The following SPATS2 variants were observed in gnomAD, a reference collection of about 807,000 sequenced individuals.
SPATS2 encodes spermatogenesis-associated serine-rich protein 2.
In SPATS2, 38 loss-of-function variants were observed where a neutral mutation model predicts 63.7. That is an observed-to-expected ratio of 0.60 (90% CI 0.46 to 0.78). The LOEUF (loss-of-function observed/expected upper bound fraction) is 0.78. SPATS2 is among the 30% of genes least tolerant of loss of function. The probability of loss-of-function intolerance (pLI) is 0.00; values close to 1 mark genes in which losing one functional copy is unlikely to be tolerated. For synonymous variants in SPATS2, 207 were observed against 232.9 expected, an observed-to-expected ratio of 0.89 and a Z score of 1.01; for missense variants, 588 against 666.2, an observed-to-expected ratio of 0.88 and a Z score of 1.29.
intron 2 of SPATS2, among the ~76,000 whole-genome samples, chr12:49,422,726 A>G (rs547394437): frequency 1.3e-5 from 2 of 152,232 alleles, no homozygotes; most frequent in East Asian, 3.9e-4. Context: ...GCGCAAGGCA[A>G]CATTGTGAAA....
At position 49,526,669 on chromosome 12, in the gene SPATS2, A is replaced by T. The variant is rs1008278330; in HGVS notation, c.*414A>T. ...AACAACTATTTGACCAAGAGAGGCAATCAGGGGGTTGTATACTGCACTGGA... is the reference window on the plus strand; with the variant it reads ...AACAACTATTTGACCAAGAGAGGCATTCAGGGGGTTGTATACTGCACTGGA... On this transcript the variant is annotated 3_prime_UTR_variant, in exon 14 of 14. Coordinates refer to ENST00000552918, the MANE Select transcript of SPATS2 (RefSeq NM_023071.4). 5.5e-6 allele frequency: 1 copy of T among 183,290 alleles called. No homozygotes were observed. The highest frequency in any genetic ancestry group is 2.4e-5 in the African/African-American group (1 of 41,998). The allele number at this position is 183,290 out of a possible 1,614,324, so 11.4% of individuals were successfully genotyped here.
intron 2 of SPATS2, among the ~76,000 whole-genome samples, chr12:49,429,534 C>G (rs554007861): frequency 5.9e-5 from 9 of 151,766 alleles, no homozygotes; most frequent in African/African-American, 2.2e-4. Flanking sequence ...CAACCTCTGC[C>G]TCTGGGGTTC....
chr12:49,491,676 T>TA (rs1946385442), intron 6 of SPATS2, among the ~76,000 whole-genome samples: 1 of 152,210 alleles, frequency 6.6e-6, no homozygotes, highest in African/African-American at 2.4e-5. Flanking sequence ...TTGTGACTGA[T>TA]ATTGCTTAAC....
Position 49,519,041 on chromosome 12 carries a change from A to G in SPATS2, c.899-32A>G, listed in dbSNP as rs367979569. Reference sequence around the variant, plus strand: ...TTCTTCTTTATCCTATTTAGCAGCAACATAAGGTTCACACTCACTTTTCCT... The same window carrying G: ...TTCTTCTTTATCCTATTTAGCAGCAGCATAAGGTTCACACTCACTTTTCCT... On this transcript the variant is annotated intron_variant, in intron 10 of 13. Coordinates refer to ENST00000552918, the MANE Select transcript of SPATS2 (RefSeq NM_023071.4). 3 of 1,561,666 alleles carry G rather than the reference A, an allele frequency of 1.9e-6. No individual in the cohort carries two copies. The African/African-American group carries it at 4.1e-5, about 21-fold the overall frequency.
At chr12:49,420,870 C>G (rs564564342) in intron 2 of SPATS2, among the ~76,000 whole-genome samples, 23 of 152,042 alleles carry the variant, frequency 1.5e-4, no homozygotes, top group Non-Finnish European at 2.6e-4. Context: ...ACAAAATTAG[C>G]CAGGTGCATT....
chr12:49,510,069 C>T (rs1037014383), intron 9 of SPATS2, among the ~76,000 whole-genome samples: 3 of 150,236 alleles, frequency 2.0e-5, no homozygotes, highest in African/African-American at 7.4e-5. Flanking sequence ...CCAGCCTGGA[C>T]AACATAGTGA....
chr12:49,467,766 C>T (rs926787950), intron 3 of SPATS2, among the ~76,000 whole-genome samples: 3 of 152,008 alleles, frequency 2.0e-5, no homozygotes, highest in African/African-American at 4.8e-5. Context: ...TGCAGTGGCG[C>T]GATCTTGGCT....
At chr12:49,460,588 T>TGATTCTAA (rs1269163957) in intron 2 of SPATS2, among the ~76,000 whole-genome samples, 182 bp from the exon 3 acceptor site, 7 of 152,244 alleles carry the variant, frequency 4.6e-5, no homozygotes, top group Non-Finnish European at 1.0e-4. Flanking sequence ...GAGGATAATC[T>TGATTCTAA]GATTCTAAGA....
intron 9 of SPATS2, among the ~76,000 whole-genome samples, chr12:49,513,274 T>C (rs1946783184): frequency 6.6e-6 from 1 of 152,084 alleles, no homozygotes; most frequent in African/African-American, 2.4e-5. Flanking sequence ...AGTGGAACTT[T>C]TATTTACCCT....
chr12:49,438,547 G>A (rs1055524404), intron 2 of SPATS2, among the ~76,000 whole-genome samples: 1 of 152,134 alleles, frequency 6.6e-6, no homozygotes, highest in Non-Finnish European at 1.5e-5. Context: ...ACGTTCCCAT[G>A]AGCAATATTT....
chr12:49,447,630 G>C (rs777141506), intron 2 of SPATS2, among the ~76,000 whole-genome samples: 3 of 152,178 alleles, frequency 2.0e-5, no homozygotes, highest in Non-Finnish European at 4.4e-5. Context: ...GCTTTTTTGT[G>C]TGTGTGTGGG....
At chr12:49,439,485 CAG>C (rs1359597711) in intron 2 of SPATS2, among the ~76,000 whole-genome samples, 5 of 152,286 alleles carry the variant, frequency 3.3e-5, no homozygotes, top group African/African-American at 1.2e-4. Context: ...AGAGTGGTAA[CAG>C]TGGAATGGCG....
At chr12:49,442,906 C>G (rs1157768259) in intron 2 of SPATS2, among the ~76,000 whole-genome samples, 3 of 151,044 alleles carry the variant, frequency 2.0e-5, no homozygotes, top group Non-Finnish European at 4.4e-5. Flanking sequence ...CATCCTCACT[C>G]TCTCCTTTCC....
chr12:49,524,950 A>G (rs1051087393), intron 13 of SPATS2, 54 bp downstream of exon 13: 8 of 1,550,254 alleles, frequency 5.2e-6, no homozygotes, highest in Admixed American at 1.7e-5. Flanking sequence ...CAGATTGTCA[A>G]AGCTTAAATG....
At chr12:49,382,641 C>T (rs1185207512) in intron 2 of SPATS2, among the ~76,000 whole-genome samples, 1 of 152,220 alleles carries the variant, frequency 6.6e-6, no homozygotes, top group Non-Finnish European at 1.5e-5. Flanking sequence ...TAAGCCTTGT[C>T]TGTGCCTTCA....
chr12:49,512,152 G>A (rs369237460), intron 9 of SPATS2, among the ~76,000 whole-genome samples: 70 of 152,148 alleles, frequency 4.6e-4, no homozygotes, highest in African/African-American at 1.6e-3. Flanking sequence ...GTATTTTAAA[G>A]ATGTAAAAAT....
chr12:49,502,171 G>T (rs972413200), intron 9 of SPATS2, among the ~76,000 whole-genome samples: 13 of 152,270 alleles, frequency 8.5e-5, no homozygotes, highest in East Asian at 5.8e-4. Context: ...GTTCCCTCAG[G>T]TTATACCTAA....
intron 2 of SPATS2, among the ~76,000 whole-genome samples, chr12:49,405,221 C>T (rs908053317): frequency 2.0e-5 from 3 of 152,112 alleles, no homozygotes; most frequent in African/African-American, 7.2e-5. Flanking sequence ...AGATGCTTTA[C>T]ATATTTATAT....
chr12:49,466,298 G>T (rs1260264142), intron 3 of SPATS2, among the ~76,000 whole-genome samples: 1 of 151,872 alleles, frequency 6.6e-6, no homozygotes, highest in Non-Finnish European at 1.5e-5. Context: ...GAGTAGCTGG[G>T]ATTACAGGCG....
Sources: gnomAD v4.1 joint callset for allele counts (sites outside exome capture counted in the v4.1 genomes callset) on GRCh38, gnomAD v4.1.1 for gene constraint, MANE v1.5 for transcripts, NCBI Gene and HGNC (gene_info 2026-07-23, HGNC 2026-07-21) for gene names.